Variants in PLEKHA4 observed in about 807,000 individuals in gnomAD.
PLEKHA4 encodes pleckstrin homology domain containing A4.
In PLEKHA4, 73 loss-of-function variants were observed where a neutral mutation model predicts 94.7. That is an observed-to-expected ratio of 0.77 (90% confidence interval 0.64 to 0.94). PLEKHA4 has a LOEUF of 0.94. Ranked by LOEUF, PLEKHA4 falls within the 40% of genes least tolerant of loss-of-function variation. PLEKHA4 has a pLI of 0.00. For missense variants in PLEKHA4, 1,049 were observed against 1,054.1 expected (o/e 1.00, Z 0.07); for synonymous variants, 449 against 437.1 (o/e 1.03, Z -0.34).
chr19:48,839,231 C>A lies in PLEKHA4; in HGVS notation c.1938G>T (p.Trp646Cys), dbSNP rs1310884790. 6.3e-7 allele frequency: 1 copy of A among 1,596,414 alleles called. No individual in the cohort carries two copies. Among genetic ancestry groups the A allele is most frequent in the Admixed American group, 1.7e-5 (1 of 58,846 alleles). The part of the protein sequence containing the change: ...PVVGHSGAQK[W>C]LRSSGSWSSP... ...TACTCCAGGACCCAGAGCTTCTGAG[C>A]CATTTCTGGGCTCCCGAGTGTCCTA... Residue 646 changes from tryptophan (W) to cysteine (C), a missense_variant, in exon 18 of 20, where the codon TGG becomes TGT. By Grantham distance (215) the Trp-to-Cys change is radical (BLOSUM62 -2). Coordinates refer to ENST00000263265, the MANE Select transcript of PLEKHA4 (RefSeq NM_020904.3).
chr19:48,849,579 GACTACAGGCGTGAGCCAAC>G (rs2036102785), intron 13 of PLEKHA4, among the ~76,000 whole-genome samples: 1 of 152,196 alleles, frequency 6.6e-6, no homozygotes, highest in African/African-American at 2.4e-5. Flanking sequence ...AAAGTGCTGG[GACTACAGGCGTGAGCCAAC>G]ACGCCCGGCC....
chr19:48,842,854 G>C (rs1568535059), intron 16 of PLEKHA4, among the ~76,000 whole-genome samples: 1 of 152,148 alleles, frequency 6.6e-6, no homozygotes, highest in Non-Finnish European at 1.5e-5. Flanking sequence ...ATCTGTCAGT[G>C]TCCACCAAAT....
rs760875283 is a variant in PLEKHA4, at chr19:48,858,827, A to G, written c.972+33T>C. The G allele has an allele frequency of 6.2e-6, 10 of 1,612,618 alleles. No individual in the cohort carries two copies. The Admixed American group carries it at 1.2e-4, about 19-fold the overall frequency. On this transcript the variant is annotated intron_variant, in intron 8 of 19. Transcript: ENST00000263265. ...AGACAGCCCTGAGGCCTGATGGGAA[A>G]CGTAGTCCCCTCCTTCTCACCTCTC...
intron 5 of PLEKHA4, among the ~76,000 whole-genome samples, chr19:48,860,827 GAGAA>G (rs377156119): frequency 1.8e-3 from 262 of 141,646 alleles, no homozygotes; most frequent in South Asian, 3.8e-3. Context: ...AAGAGAGAAA[GAGAA>G]AGAAAGAAAG....
chr19:48,867,744 TGGG>T lies in PLEKHA4; in HGVS notation c.-6-121_-6-119del. The T allele has an allele frequency of 1.1e-6, 1 of 919,674 alleles. No homozygotes were observed. Among genetic ancestry groups the T allele is most frequent in the Non-Finnish European group, 1.7e-6 (1 of 606,018 alleles). 57.0% of individuals were successfully genotyped at this position (919,674 alleles called of 1,614,324 possible). On this transcript the variant is annotated intron_variant, in intron 1 of 19. Transcript: ENST00000263265. This position sits in a 1 kb window ranked among gnomAD's most constrained non-coding sequence, Gnocchi z 4.7. ...AGAAAGAGCCTGTTGTTTCGGGACTTGGGGGGCTGGGGGAGGCCATGGCCCGTG... is the reference window on the plus strand; with the variant it reads ...AGAAAGAGCCTGTTGTTTCGGGACTTGGGCTGGGGGAGGCCATGGCCCGTG...
Position 48,867,417 on chromosome 19 carries a change from T to C in PLEKHA4, c.84+120A>G, listed in dbSNP as rs995600198. Reference sequence around the variant, plus strand: ...GTGTAGGCAATTTGGGACCTTACTATGTCTGGCAGACCCCGTTGCTAAGGA... The same window carrying C: ...GTGTAGGCAATTTGGGACCTTACTACGTCTGGCAGACCCCGTTGCTAAGGA... On this transcript the variant is annotated intron_variant, in intron 2 of 19. Transcript: ENST00000263265. This position sits in a 1 kb window ranked among gnomAD's most constrained non-coding sequence, Gnocchi z 4.7. The C allele has an allele frequency of 5.1e-6, 6 of 1,171,288 alleles. No individual in the cohort carries two copies. The African/African-American group carries it at 6.1e-5, about 12-fold the overall frequency. 72.6% of individuals were successfully genotyped at this position (1,171,288 alleles called of 1,614,324 possible). A position where few individuals can be genotyped will look rare whatever the true frequency, so the allele number is the denominator to read the frequency against.
At chr19:48,857,233 A>G (rs1174194476) in intron 9 of PLEKHA4, among the ~76,000 whole-genome samples, 189 bp downstream of exon 9, 2 of 152,132 alleles carry the variant, frequency 1.3e-5, no homozygotes, top group Non-Finnish European at 2.9e-5. Flanking sequence ...CCAGAACCGC[A>G]AGATAATCCA....
intron 17 of PLEKHA4, among the ~76,000 whole-genome samples, chr19:48,840,215 C>T (rs2035708253): frequency 6.6e-6 from 1 of 151,870 alleles, no homozygotes; most frequent in Non-Finnish European, 1.5e-5. Context: ...AGGAGCTCGA[C>T]ACCAGCCTGG....
intron 13 of PLEKHA4, among the ~76,000 whole-genome samples, chr19:48,851,975 A>G (rs1318060095): frequency 6.6e-6 from 1 of 152,124 alleles, no homozygotes; most frequent in Non-Finnish European, 1.5e-5. Context: ...TACAGCAGAA[A>G]TTAGATAACA....
rs750215252 is a variant in PLEKHA4 at position 48,859,482 on chromosome 19, C to T, written c.679G>A (p.Ala227Thr). ...DLHSGLQMRR[A>T]RSPDLFTPLS... ...CTCCCTACTCACTCGGGGCTCCTCG[C>T]CCTCCGCATCTGGAGTCCAGAGTGG... The change falls in exon 7 of 20, where the codon GCG becomes ACG. Residue 227 changes from alanine to threonine, a missense_variant. Ala to Thr is a moderately conservative substitution (Grantham distance 58). Transcript: ENST00000263265. 1.9e-6 allele frequency: 3 copies of T among 1,613,844 alleles called. No homozygotes were observed. Among genetic ancestry groups the T allele is most frequent in the Non-Finnish European group, 2.5e-6 (3 of 1,179,986 alleles).
intron 16 of PLEKHA4, among the ~76,000 whole-genome samples, chr19:48,844,799 G>T (rs1009208718): frequency 8.8e-5 from 13 of 147,814 alleles, no homozygotes; most frequent in Admixed American, 4.1e-4. Context: ...CTCCACTCAG[G>T]GTGTCTTTTT....
intron 18 of PLEKHA4, among the ~76,000 whole-genome samples, chr19:48,838,534 C>T (rs1015966994): frequency 2.7e-5 from 4 of 149,546 alleles, no homozygotes; most frequent in East Asian, 2.0e-4. Flanking sequence ...GAGGCCGAGG[C>T]GGGCGGATCA....
At position 48,837,443 on chromosome 19, in the gene PLEKHA4, G is replaced by A. The variant is rs905978670; in HGVS notation, c.2186C>T (p.Ser729Leu). Residue 729 changes from serine to leucine, a missense_variant, in exon 20 of 20, where the codon TCG becomes TTG. By Grantham distance (145) the Ser-to-Leu change is moderately radical. Transcript: ENST00000263265. The surrounding 1 kb of genome is among the most constrained non-coding windows in gnomAD (Gnocchi z 4.3). ...TCGGCGAGAGAACCCCGTGGAACCC[G>A]AATTAGCCACCGGGGGAGATCTGGG... ...PPPRSPPVANSGSTGFSRRGS... is the reference protein window; with the variant it reads ...PPPRSPPVANLGSTGFSRRGS... 3.7e-6 allele frequency: 6 copies of A among 1,613,200 alleles called. No individual in the cohort carries two copies. The African/African-American group carries it at 6.7e-5, about 18-fold the overall frequency.
intron 7 of PLEKHA4, 93 bp downstream of exon 7, chr19:48,859,376 A>T: frequency 7.4e-7 from 1 of 1,358,640 alleles, no homozygotes; most frequent in Non-Finnish European, 1.0e-6. Flanking sequence ...AGTCACACAC[A>T]CTCAAGCAGA....
chr19:48,854,591 C>T (rs2036333024), intron 9 of PLEKHA4, among the ~76,000 whole-genome samples: 1 of 151,122 alleles, frequency 6.6e-6, no homozygotes, highest in South Asian at 2.1e-4. Context: ...GGGGTTTTGC[C>T]ATGTTGCCCA....
In PLEKHA4 at chr19:48,859,039, G is replaced by T. The variant is rs752218279; in HGVS notation, c.793C>A (p.Pro265Thr). 3 of 1,548,246 alleles carry T rather than the reference G, an allele frequency of 1.9e-6. No homozygotes were observed. Among genetic ancestry groups the T allele is most frequent in the Non-Finnish European group, 1.7e-6 (2 of 1,151,934 alleles). The part of the protein sequence containing the change: ...RPPAPSGDTA[P>T]PARPHTPLSR... ...AACGGGGTGTGAGGTCGGGCAGGGGGTGCTGTGTCTCCTGAGGGGGCAGGG... is the reference window on the plus strand; with the variant it reads ...AACGGGGTGTGAGGTCGGGCAGGGGTTGCTGTGTCTCCTGAGGGGGCAGGG... Residue 265 changes from proline to threonine, a missense_variant, in exon 8 of 20, where the codon CCC (proline) becomes ACC (threonine). Pro to Thr is a conservative substitution (Grantham distance 38). Transcript: ENST00000263265.
At chr19:48,849,935 G>A (rs2036115207) in intron 13 of PLEKHA4, among the ~76,000 whole-genome samples, 2 of 152,174 alleles carry the variant, frequency 1.3e-5, no homozygotes, top group African/African-American at 4.8e-5. Context: ...GGCATTGGCC[G>A]GGCGCAGTAG....
At chr19:48,850,578 G>C (rs1030476655) in intron 13 of PLEKHA4, among the ~76,000 whole-genome samples, 2 of 152,162 alleles carry the variant, frequency 1.3e-5, no homozygotes, top group African/African-American at 2.4e-5. Flanking sequence ...AGCACTTTGG[G>C]AAGCTGAGGC....
chr19:48,853,693 G>T lies in PLEKHA4; in HGVS notation c.1315C>A (p.His439Asn). The T allele has an allele frequency of 6.3e-7, 1 of 1,581,738 alleles. No homozygotes were observed. The change falls in exon 12 of 20, where the codon CAC becomes AAC. Residue 439 changes from histidine (H) to asparagine (N), a missense_variant. Physicochemically the swap from His to Asn is moderately conservative, Grantham distance 68. Transcript: ENST00000263265. The part of the protein sequence containing the change: ...RLVSVRATLC[H>N]LTQERERVWD... The stretch of plus-strand genomic sequence containing the variant: ...TCCCAGGTGCTCACCTGAGTCAAGT[G>T]ACAGAGGGTGGCCCTCACACTGACC...
Sources: allele counts gnomAD v4.1 joint callset (sites outside exome capture counted in the v4.1 genomes callset), GRCh38; gene constraint gnomAD v4.1.1; non-coding constraint Gnocchi (gnomAD v3.1); transcripts MANE v1.5; gene names NCBI Gene and HGNC (gene_info 2026-07-23, HGNC 2026-07-21).